The following AKAP6 variants were observed in gnomAD, a reference collection of about 807,000 sequenced individuals.
The protein encoded by AKAP6 is A-kinase anchoring protein 6.
Under a neutral mutation model 188.5 loss-of-function variants are expected in AKAP6, and 58 were observed. The ratio of observed to expected loss-of-function variants is 0.31; its 90% confidence interval spans 0.25 to 0.38. AKAP6 has a LOEUF of 0.38. AKAP6 is among the 10% of genes least tolerant of loss of function. The probability of loss-of-function intolerance (pLI) is 1.00; values close to 1 mark genes in which losing one functional copy is unlikely to be tolerated. For missense variants in AKAP6, 2,710 were observed against 2,740.0 expected (o/e 0.99, Z 0.24); for synonymous variants, 989 against 998.6 (o/e 0.99, Z 0.18).
rs149612678 is a variant in AKAP6 at position 32,645,472 on chromosome 14, G to A, written c.2731-32839G>A. On this transcript the variant is annotated intron_variant, in intron 7 of 13. Transcript: ENST00000280979. ...ATTTATTTATTAATTTTTTACAGAC[G>A]GAGTCTCACTTGTTGCCCTAGCTGG... 4.0e-3 allele frequency among the ~76,000 whole-genome samples: 609 copies of A among 152,024 alleles called. 3 individuals carry two copies. The highest frequency in any genetic ancestry group is 0.014 in the African/African-American group (585 of 41,464).
intron 2 of AKAP6, among the ~76,000 whole-genome samples, chr14:32,481,738 A>T (rs1879355629): frequency 1.3e-5 from 2 of 152,090 alleles, no homozygotes; most frequent in Non-Finnish European, 2.9e-5. Flanking sequence ...AAACCATATA[A>T]ATTTCCTTCT....
intron 7 of AKAP6, among the ~76,000 whole-genome samples, chr14:32,657,873 A>G (rs1888519515): frequency 6.6e-6 from 1 of 152,142 alleles, no homozygotes; most frequent in South Asian, 2.1e-4. Flanking sequence ...GCAGGATTTG[A>G]AAGTTGGCAC....
At chr14:32,479,143 A>G (rs1387349018) in intron 2 of AKAP6, among the ~76,000 whole-genome samples, 4 of 152,188 alleles carry the variant, frequency 2.6e-5, no homozygotes, top group African/African-American at 7.2e-5. Flanking sequence ...TGCTTTTAAA[A>G]ATTACTTCTA....
At chr14:32,647,729 A>G (rs1269807407) in intron 7 of AKAP6, among the ~76,000 whole-genome samples, 2 of 152,124 alleles carry the variant, frequency 1.3e-5, no homozygotes, top group Non-Finnish European at 2.9e-5. Flanking sequence ...CTAAGTTACT[A>G]TTCTTTGGAG....
chr14:32,363,996 TC>T (rs1566465330), intron 1 of AKAP6, among the ~76,000 whole-genome samples: 1 of 152,116 alleles, frequency 6.6e-6, no homozygotes, highest in Non-Finnish European at 1.5e-5. Context: ...TTAGCTGGTT[TC>T]CCCCAGTAGA....
intron 3 of AKAP6, among the ~76,000 whole-genome samples, chr14:32,536,716 A>G (rs1199241014): frequency 6.6e-6 from 1 of 152,220 alleles, no homozygotes; most frequent in Non-Finnish European, 1.5e-5. Context: ...TTGATGAATA[A>G]CTTAAGAATG....
intron 1 of AKAP6, among the ~76,000 whole-genome samples, chr14:32,419,550 C>T (rs1347453701): frequency 2.0e-5 from 3 of 152,062 alleles, no homozygotes; most frequent in Non-Finnish European, 4.4e-5. Context: ...ATATCTCAGC[C>T]TGATTCAATT....
At chr14:32,577,313 GA>G in intron 5 of AKAP6, 71 bp downstream of exon 5, 6 of 1,552,190 alleles carry the variant, frequency 3.9e-6, no homozygotes, top group Non-Finnish European at 5.2e-6. Flanking sequence ...TTGTTTATGA[GA>G]AATATCAATT....
At chr14:32,817,129 G>A (rs1371166650) in intron 12 of AKAP6, among the ~76,000 whole-genome samples, 1 of 151,944 alleles carries the variant, frequency 6.6e-6, no homozygotes, top group African/African-American at 2.4e-5. Flanking sequence ...TTACTCTTTA[G>A]GTAATAAAGT....
At chr14:32,701,435 G>A (rs1280830023) in intron 9 of AKAP6, among the ~76,000 whole-genome samples, 1 of 152,024 alleles carries the variant, frequency 6.6e-6, no homozygotes, top group Non-Finnish European at 1.5e-5. Flanking sequence ...TTCCTTTGAA[G>A]AAATTTTGTT....
chr14:32,617,963 G>A lies in AKAP6; in HGVS notation c.2730+17171G>A, dbSNP rs540499952. Among the ~76,000 whole-genome samples, 21 of 151,994 alleles carry A rather than the reference G, an allele frequency of 1.4e-4. No individual in the cohort carries two copies. The South Asian group carries it at 2.9e-3, about 21-fold the overall frequency. On this transcript the variant is annotated intron_variant, in intron 7 of 13. Transcript: ENST00000280979. Reference sequence around the variant, plus strand: ...TTTTTTTTTAGTTCTTTAAGCGTTTGTTCCTTTTTTGTGAGTTGATTCATA... The same window carrying A: ...TTTTTTTTTAGTTCTTTAAGCGTTTATTCCTTTTTTGTGAGTTGATTCATA...
intron 7 of AKAP6, among the ~76,000 whole-genome samples, chr14:32,647,955 A>T (rs1888052159): frequency 1.3e-5 from 2 of 152,120 alleles, no homozygotes; most frequent in Non-Finnish European, 2.9e-5. Context: ...ACCATTAAGC[A>T]ATATAAAAAA....
chr14:32,413,475 C>G (rs1029904222), intron 1 of AKAP6, among the ~76,000 whole-genome samples: 11 of 152,048 alleles, frequency 7.2e-5, no homozygotes, highest in Non-Finnish European at 1.6e-4. Context: ...AGCCACTGTG[C>G]CTTGCCAAAA....
intron 12 of AKAP6, among the ~76,000 whole-genome samples, chr14:32,810,789 G>A (rs1027815431): frequency 3.3e-5 from 5 of 152,122 alleles, no homozygotes; most frequent in East Asian, 1.9e-4. Context: ...GCACAGATAC[G>A]TTAAATGAAA....
At chr14:32,721,116 A>G (rs1275993677) in intron 9 of AKAP6, among the ~76,000 whole-genome samples, 1 of 152,208 alleles carries the variant, frequency 6.6e-6, no homozygotes, top group East Asian at 1.9e-4. Flanking sequence ...ACATTACAAC[A>G]GCCCTGATAT....
At chr14:32,416,913 T>C (rs1478494834) in intron 1 of AKAP6, among the ~76,000 whole-genome samples, 1 of 152,206 alleles carries the variant, frequency 6.6e-6, no homozygotes. Context: ...TGATCTTGGC[T>C]CACTGCAACT....
intron 13 of AKAP6, among the ~76,000 whole-genome samples, chr14:32,827,577 A>G (rs1331366242): frequency 6.6e-6 from 1 of 152,210 alleles, no homozygotes; most frequent in Non-Finnish European, 1.5e-5. Context: ...TTCCAGGCAT[A>G]CTGCTGTGCT....
intron 1 of AKAP6, among the ~76,000 whole-genome samples, chr14:32,395,407 T>C (rs1002952553): frequency 1.3e-5 from 2 of 152,114 alleles, no homozygotes; most frequent in Non-Finnish European, 2.9e-5. Flanking sequence ...CAGTGCCCCA[T>C]TTTCACATTG....
intron 2 of AKAP6, among the ~76,000 whole-genome samples, chr14:32,443,932 T>A (rs1890675113): frequency 6.6e-6 from 1 of 152,124 alleles, no homozygotes; most frequent in African/African-American, 2.4e-5. Flanking sequence ...CACAAACATC[T>A]TTGTATAGGC....
Sources: gnomAD v4.1 joint callset for allele counts (sites outside exome capture counted in the v4.1 genomes callset) on GRCh38, gnomAD v4.1.1 for gene constraint, MANE v1.5 for transcripts, NCBI Gene and HGNC (gene_info 2026-07-23, HGNC 2026-07-21) for gene names.